Variants in TRAF3IP1 observed in about 807,000 individuals in gnomAD.
TRAF3IP1 encodes TRAF3-interacting protein 1.
A neutral mutation model predicts 89.9 loss-of-function variants in TRAF3IP1; 53 were observed. That is an observed-to-expected ratio of 0.59 (90% CI 0.47 to 0.74). TRAF3IP1 has a LOEUF of 0.74. TRAF3IP1 is among the 30% of genes least tolerant of loss of function. The probability of loss-of-function intolerance (pLI) is 0.00; values close to 1 mark genes in which losing one functional copy is unlikely to be tolerated. For synonymous variants in TRAF3IP1, 311 were observed against 322.1 expected (o/e 0.97, Z 0.37); for missense variants, 806 against 866.1 (o/e 0.93, Z 0.87).
intron 3 of TRAF3IP1, among the ~76,000 whole-genome samples, chr2:238,327,107 C>T (rs960493176): frequency 2.6e-5 from 4 of 152,258 alleles, no homozygotes; most frequent in Non-Finnish European, 5.9e-5. Context: ...ATCCTTCTCT[C>T]GTTTCCCATA....
rs60762970 is a variant in TRAF3IP1 at position 238,351,100 on chromosome 2, C to T, written c.1451+1692C>T. ...AGATAGTGGTGGTAAAGGAGTGGGG[C>T]GCTTGGATTTGAGGTTGGAGCTTGC... On this transcript the variant is annotated intron_variant, in intron 12 of 16. Transcript: ENST00000373327. The surrounding 1 kb of genome is among the most constrained non-coding windows in gnomAD (Gnocchi z 5.2). 5.2e-3 allele frequency among the ~76,000 whole-genome samples: 792 copies of T among 152,086 alleles called. 9 individuals are homozygous for T. The highest frequency in any genetic ancestry group is 0.018 in the African/African-American group (756 of 41,476).
intron 1 of TRAF3IP1, among the ~76,000 whole-genome samples, chr2:238,321,396 C>T (rs1697537777): frequency 6.6e-6 from 1 of 152,182 alleles, no homozygotes; most frequent in African/African-American, 2.4e-5. Flanking sequence ...CCCAAAGTTT[C>T]CCTCCATACC....
At position 238,348,844 on chromosome 2, in the gene TRAF3IP1, A is replaced by G; in HGVS notation, c.1363A>G (p.Ile455Val). 1 of 1,614,030 alleles carries G rather than the reference A, an allele frequency of 6.2e-7. No individual in the cohort carries two copies. Among genetic ancestry groups the G allele is most frequent in the Non-Finnish European group, 8.5e-7 (1 of 1,179,928 alleles). Residue 455 changes from isoleucine (I) to valine (V), a missense_variant, in exon 11 of 17, where the codon ATC (isoleucine) becomes GTC (valine). By Grantham distance (29) the Ile-to-Val change is conservative. Transcript: ENST00000373327. ...AATTCCTAATGAGCTTTCATCCAACATCAGGTCTGTGTGCTTTGAATCCCT... is the reference window on the plus strand; with the variant it reads ...AATTCCTAATGAGCTTTCATCCAACGTCAGGTCTGTGTGCTTTGAATCCCT... ...PEIPNELSSN[I>V]RRIPRPGSAR...
chr2:238,330,058 G>A (rs190339823), intron 5 of TRAF3IP1, among the ~76,000 whole-genome samples: 11 of 152,294 alleles, frequency 7.2e-5, no homozygotes, highest in East Asian at 3.9e-4. Flanking sequence ...TCTCCCGTGC[G>A]TGTCGTTTGT....
intron 1 of TRAF3IP1, among the ~76,000 whole-genome samples, chr2:238,322,662 T>A (rs1335646072): frequency 8.8e-6 from 1 of 113,714 alleles, no homozygotes; most frequent in Non-Finnish European, 1.7e-5. Context: ...CACTCTAGCC[T>A]GGGTGACAGA....
chr2:238,343,209 C>T (rs1698738000), intron 8 of TRAF3IP1, among the ~76,000 whole-genome samples: 1 of 152,130 alleles, frequency 6.6e-6, no homozygotes, highest in African/African-American at 2.4e-5. Flanking sequence ...CCTTAGCCTC[C>T]CGAGTGGCTG....
At chr2:238,366,771 A>G (rs1415178311) in intron 15 of TRAF3IP1, among the ~76,000 whole-genome samples, 2 of 152,170 alleles carry the variant, frequency 1.3e-5, no homozygotes, top group Non-Finnish European at 1.5e-5. Context: ...TTGGATGTCA[A>G]TTCAGTTTCT....
At chr2:238,341,767 C>G (rs1350800124) in intron 8 of TRAF3IP1, among the ~76,000 whole-genome samples, 1 of 152,054 alleles carries the variant, frequency 6.6e-6, no homozygotes, top group Admixed American at 6.6e-5. Flanking sequence ...CTCTGTGAGG[C>G]GGGGCAAACT....
chr2:238,367,653 C>T (rs1456869141), intron 15 of TRAF3IP1, among the ~76,000 whole-genome samples: 1 of 152,172 alleles, frequency 6.6e-6, no homozygotes, highest in Non-Finnish European at 1.5e-5. Flanking sequence ...CCTGCGCCAC[C>T]GAGCCCTCTC....
At chr2:238,344,231 G>T (rs1289309275) in intron 8 of TRAF3IP1, among the ~76,000 whole-genome samples, 1 of 152,108 alleles carries the variant, frequency 6.6e-6, no homozygotes, top group East Asian at 1.9e-4. Context: ...GGGGGCGGGG[G>T]CAGTCTGCTC....
intron 11 of TRAF3IP1, among the ~76,000 whole-genome samples, 154 bp downstream of exon 11, chr2:238,349,002 G>A (rs1699024985): frequency 6.6e-6 from 1 of 152,168 alleles, no homozygotes; most frequent in Admixed American, 6.5e-5. Flanking sequence ...TCAGTTTTCT[G>A]TACTGGAGTT....
intron 15 of TRAF3IP1, among the ~76,000 whole-genome samples, chr2:238,377,007 G>A (rs1032570095): frequency 6.6e-6 from 1 of 152,142 alleles, no homozygotes; most frequent in Non-Finnish European, 1.5e-5. Flanking sequence ...AGTGGCAGAG[G>A]AGTGATTCAA....
rs1293834750 is a variant in TRAF3IP1 at position 238,328,991 on chromosome 2, G to A, written c.564G>A (p.Leu188=). The stretch of plus-strand genomic sequence containing the variant: ...GAGATCGAAAACAGAAGGAAGAATT[G>A]AAAGAAGACCGCAAGCCAAGAGAAA... The part of the protein sequence containing the change: ...TSRDRKQKEE[L]KEDRKPREKD... The change falls in exon 5 of 17, where the codon TTG becomes TTA. Residue 188 remains leucine (L), a synonymous_variant. Coordinates refer to ENST00000373327, the MANE Select transcript of TRAF3IP1 (RefSeq NM_015650.4). The A allele has an allele frequency of 1.3e-6, 2 of 1,551,820 alleles. No homozygotes were observed. Among genetic ancestry groups the A allele is most frequent in the Admixed American group, 2.0e-5 (1 of 50,782 alleles).
chr2:238,379,305 G>A lies in TRAF3IP1; in HGVS notation c.1690-18154G>A, dbSNP rs532024627. Among the ~76,000 whole-genome samples, 18 of 152,122 alleles carry A rather than the reference G, an allele frequency of 1.2e-4. No homozygotes were observed. In the East Asian group the frequency reaches 1.9e-3, roughly 16 times the overall value. ...GCCGCACACTCACCATCTCTGACCCGGGCTCTGCTATCCTCACAGCATTGG... is the reference window on the plus strand; with the variant it reads ...GCCGCACACTCACCATCTCTGACCCAGGCTCTGCTATCCTCACAGCATTGG... On this transcript the variant is annotated intron_variant, in intron 15 of 16. Transcript: ENST00000373327. The surrounding 1 kb of genome is among the most constrained non-coding windows in gnomAD (Gnocchi z 4.0).
At chr2:238,321,591 G>C (rs1396277591) in intron 1 of TRAF3IP1, among the ~76,000 whole-genome samples, 3 of 152,268 alleles carry the variant, frequency 2.0e-5, no homozygotes, top group East Asian at 3.9e-4. Flanking sequence ...TTGCTTATTA[G>C]CATGGCTCTG....
chr2:238,353,014 C>T (rs1699242529), intron 13 of TRAF3IP1, 64 bp downstream of exon 13: 2 of 1,548,634 alleles, frequency 1.3e-6, no homozygotes, highest in Non-Finnish European at 1.8e-6. Flanking sequence ...GATTAATAGT[C>T]TAGCTTTTAG....
Position 238,361,625 on chromosome 2 carries a change from C to T in TRAF3IP1, c.1689+5545C>T, listed in dbSNP as rs548853691. Among the ~76,000 whole-genome samples, 24 of 152,190 alleles carry T rather than the reference C, an allele frequency of 1.6e-4. No homozygotes were observed. In the South Asian group the frequency reaches 3.1e-3, roughly 20 times the overall value. On this transcript the variant is annotated intron_variant, in intron 15 of 16. Coordinates refer to ENST00000373327, the MANE Select transcript of TRAF3IP1 (RefSeq NM_015650.4). ...AGGGAGCCCAGGCACTACGTGTTTC[C>T]GGGCTCTGCTGTGTCTCTCCTTGTT...
intron 5 of TRAF3IP1, among the ~76,000 whole-genome samples, chr2:238,330,155 A>G (rs1698049814): frequency 6.6e-6 from 1 of 152,142 alleles, no homozygotes; most frequent in South Asian, 2.1e-4. Context: ...GCGCAGTCTG[A>G]GTTGTGCATG....
chr2:238,323,545 A>G (rs1697666755), intron 1 of TRAF3IP1, among the ~76,000 whole-genome samples: 1 of 152,192 alleles, frequency 6.6e-6, no homozygotes, highest in Non-Finnish European at 1.5e-5. Context: ...GAAAACTCCT[A>G]GATTCATTAA....
Sources: gnomAD v4.1 joint callset for allele counts (sites outside exome capture counted in the v4.1 genomes callset) on GRCh38, gnomAD v4.1.1 for gene constraint, Gnocchi (gnomAD v3.1) non-coding constraint, MANE v1.5 for transcripts, NCBI Gene and HGNC (gene_info 2026-07-23, HGNC 2026-07-21) for gene names.